The following ZC3HAV1L variants were observed in gnomAD, a reference collection of about 807,000 sequenced individuals.
ZC3HAV1L encodes the protein ZC3HAV1 like.
A neutral mutation model predicts 28.2 loss-of-function variants in ZC3HAV1L; 23 were observed. That is an observed-to-expected ratio of 0.82 (90% CI 0.59 to 1.16). The LOEUF is 1.16. ZC3HAV1L is among the 50% of genes most tolerant of loss of function. ZC3HAV1L has a pLI of 0.00. For synonymous variants in ZC3HAV1L, 180 were observed against 163.4 expected, an observed-to-expected ratio of 1.10 and a Z score of -0.78; for missense variants, 376 against 387.7, an observed-to-expected ratio of 0.97 and a Z score of 0.25.
downstream of ZC3HAV1L, among the ~76,000 whole-genome samples, chr7:139,022,220 C>A (rs1157532314): frequency 6.6e-6 from 1 of 152,052 alleles, no homozygotes; most frequent in Middle Eastern, 3.2e-3. Context: ...ATAACACATT[C>A]CTTAGGGGGA....
downstream of ZC3HAV1L, among the ~76,000 whole-genome samples, chr7:139,024,819 T>G (rs912344953): frequency 1.3e-5 from 2 of 152,214 alleles, no homozygotes. Context: ...TGCAGGACAG[T>G]TGAATTTAAA....
At chr7:139,030,846 T>A (rs55740302) in intron 2 of ZC3HAV1L, among the ~76,000 whole-genome samples, 73,004 of 148,136 alleles carry the variant, frequency 0.49, 18,145 homozygotes, top group Non-Finnish European at 0.52. Context: ...AATTAATTAA[T>A]TAATTAATTA....
intron 1 of ZC3HAV1L, 81 bp downstream of exon 1, chr7:139,035,572 C>G: frequency 1.5e-6 from 2 of 1,341,860 alleles, no homozygotes; most frequent in Non-Finnish European, 1.9e-6. Context: ...CGAAGCCCCC[C>G]TTCCCGTCGC....
downstream of ZC3HAV1L, chr7:139,025,594 A>C (rs955041908): frequency 6.6e-6 from 1 of 152,156 alleles, no homozygotes; most frequent in Non-Finnish European, 1.5e-5. Flanking sequence ...CTTTCATGAA[A>C]ATTTGAGGCC....
intron 2 of ZC3HAV1L, 39 bp from the exon 3 acceptor site, chr7:139,028,999 T>C (rs746702567): frequency 3.8e-6 from 6 of 1,585,630 alleles, no homozygotes; most frequent in East Asian, 2.3e-5. Context: ...ATATTAGTTT[T>C]TCTTTTTTTT....
chr7:139,027,088 C>T (rs147659334), intron 3 of ZC3HAV1L, among the ~76,000 whole-genome samples: 47 of 152,284 alleles, frequency 3.1e-4, no homozygotes, highest in Non-Finnish European at 6.2e-4. Flanking sequence ...AGGCCCTAGA[C>T]ACAGCATAGG....
downstream of ZC3HAV1L, among the ~76,000 whole-genome samples, chr7:139,023,333 T>C (rs1201223147): frequency 6.6e-6 from 1 of 152,160 alleles, no homozygotes; most frequent in Non-Finnish European, 1.5e-5. Flanking sequence ...TCAGAACATT[T>C]CTCATAACAA....
intron 3 of ZC3HAV1L, among the ~76,000 whole-genome samples, chr7:139,028,396 C>T (rs1330769820): frequency 9.0e-6 from 1 of 111,600 alleles, no homozygotes; most frequent in Non-Finnish European, 2.0e-5. Context: ...AAAACAAAAC[C>T]TGTTCTACCT....
Position 139,026,826 on chromosome 7 carries a change from T to A in ZC3HAV1L, c.768A>T (p.Ser256=). 6.2e-7 allele frequency: 1 copy of A among 1,611,292 alleles called. No homozygotes were observed. The highest frequency in any genetic ancestry group is 8.5e-7 in the Non-Finnish European group (1 of 1,178,490). ...LHKMLENTDN[S]SPSTEHSQGL... ...CTTGTGAATGCTCAGTCGAAGGTGA[T>A]GAATTATCTACAAAGAGGAAAGGGA... The change falls in exon 4 of 5, where the codon TCA becomes TCT. Residue 256 remains serine (S), a synonymous_variant. Coordinates refer to ENST00000275766, the MANE Select transcript of ZC3HAV1L (RefSeq NM_080660.4).
chr7:139,034,444 T>C, intron 2 of ZC3HAV1L, 99 bp downstream of exon 2: 1 of 1,463,340 alleles, frequency 6.8e-7, no homozygotes, highest in Non-Finnish European at 9.1e-7. Flanking sequence ...TCATGTTGCT[T>C]CGAAGGCAAT....
Position 139,028,727 on chromosome 7 carries a change from C to T in ZC3HAV1L, c.735G>A (p.Lys245=), listed in dbSNP as rs1280780088. 1 of 1,613,960 alleles carries T rather than the reference C, an allele frequency of 6.2e-7. No homozygotes were observed. Among genetic ancestry groups the T allele is most frequent in the African/African-American group, 1.3e-5 (1 of 74,930 alleles). ...CTGTATTTTCAAGCATCTTGTGCAG[C>T]TTCATATGCTTGTAGGTGGAGATTA... is the stretch of plus-strand genomic sequence containing the variant. ...FQIISTYKHM[K]LHKMLENTDN... The change falls in exon 3 of 5, where the codon AAG becomes AAA. Residue 245 remains lysine (K), a synonymous_variant. Coordinates refer to ENST00000275766, the MANE Select transcript of ZC3HAV1L (RefSeq NM_080660.4).
intron 2 of ZC3HAV1L, among the ~76,000 whole-genome samples, chr7:139,030,051 T>C (rs1011699015): frequency 1.3e-5 from 2 of 152,208 alleles, no homozygotes; most frequent in Non-Finnish European, 2.9e-5. Context: ...TGTCCAGGTT[T>C]TACTATGAAA....
downstream of ZC3HAV1L, among the ~76,000 whole-genome samples, chr7:139,025,214 C>A (rs1471567495): frequency 6.6e-6 from 1 of 152,016 alleles, no homozygotes; most frequent in South Asian, 2.1e-4. Context: ...TTTGGGAGGC[C>A]GAGGCAGGCA....
intron 3 of ZC3HAV1L, among the ~76,000 whole-genome samples, chr7:139,027,140 C>CT (rs35257743): frequency 6.6e-6 from 1 of 151,550 alleles, no homozygotes; most frequent in Non-Finnish European, 1.5e-5. Flanking sequence ...CTAAACAGCC[C>CT]GACACTGGTA....
At chr7:139,022,800 T>C (rs1314159492), downstream of ZC3HAV1L, among the ~76,000 whole-genome samples, 5 of 152,122 alleles carry the variant, frequency 3.3e-5, no homozygotes, top group South Asian at 1.0e-3. Flanking sequence ...TCTTTTGGAG[T>C]CAAGAAAGGC....
intron 2 of ZC3HAV1L, chr7:139,033,900 G>T: frequency 1.0e-6 from 1 of 985,322 alleles, no homozygotes. Context: ...TCTACTTTGG[G>T]CAACATGGTT....
intron 2 of ZC3HAV1L, chr7:139,034,087 A>G (rs909907807): frequency 2.0e-6 from 2 of 985,306 alleles, no homozygotes; most frequent in African/African-American, 3.5e-5. Context: ...ACCTGCACCA[A>G]AGGCTCCAGC....
intron 1 of ZC3HAV1L, 52 bp downstream of exon 1, chr7:139,035,601 G>T: frequency 1.5e-6 from 2 of 1,348,740 alleles, no homozygotes; most frequent in South Asian, 1.8e-5. Context: ...CCAGCAGGAC[G>T]GCCAGGCCCG....
chr7:139,026,471 T>G lies in ZC3HAV1L; in HGVS notation c.*73A>C. The G allele has an allele frequency of 6.3e-7, 1 of 1,594,646 alleles. No homozygotes were observed. The highest frequency in any genetic ancestry group is 8.5e-7 in the Non-Finnish European group (1 of 1,172,650). ...TTAGCCTCTCTTTGCCTGTTCAATG[T>G]CCCACCCCATCCCCAACCACCCATG... On this transcript the variant is annotated 3_prime_UTR_variant, in exon 5 of 5. Transcript: ENST00000275766.
Sources: allele counts gnomAD v4.1 joint callset (sites outside exome capture counted in the v4.1 genomes callset), GRCh38; gene constraint gnomAD v4.1.1; transcripts MANE v1.5; gene names NCBI Gene and HGNC (gene_info 2026-07-23, HGNC 2026-07-21).